Variants in PTPA observed in about 807,000 individuals in gnomAD.
The protein encoded by PTPA is serine/threonine-protein phosphatase 2A activator.
In PTPA, 13 loss-of-function variants were observed where a neutral mutation model predicts 43.6. The observed-to-expected ratio is 0.30, with a 90% CI of 0.19 to 0.47. The LOEUF is 0.47. PTPA is among the 20% of genes least tolerant of loss of function. The pLI is 0.99. For synonymous variants in PTPA, 172 were observed against 158.2 expected, an observed-to-expected ratio of 1.09 and a Z score of -0.66; for missense variants, 329 against 411.9, an observed-to-expected ratio of 0.80 and a Z score of 1.74.
chr9:129,128,914 T>C (rs1438136375), intron 3 of PTPA, 71 bp from the exon 4 acceptor site: 10 of 1,588,376 alleles, frequency 6.3e-6, no homozygotes, highest in Non-Finnish European at 8.6e-6. Context: ...CTGGCAGCAG[T>C]GGACTTCCCT....
At chr9:129,128,080 C>T (rs1335545326) in intron 3 of PTPA, 3 of 1,316,374 alleles carry the variant, frequency 2.3e-6, no homozygotes, top group Admixed American at 2.2e-5. Context: ...TATTTATCAT[C>T]AGCCCCATTT....
chr9:129,137,509 T>TG (rs541049981), intron 7 of PTPA, 83 bp from the exon 8 acceptor site: 205 of 1,120,876 alleles, frequency 1.8e-4, no homozygotes, highest in South Asian at 1.4e-3. Flanking sequence ...CTGAGGCCCC[T>TG]GGGGGGGTGT....
At chr9:129,120,406 AAG>A (rs2131554033) in intron 1 of PTPA, 105 bp from the exon 2 acceptor site, 1 of 824,814 alleles carries the variant, frequency 1.2e-6, no homozygotes, top group Admixed American at 2.8e-5. Flanking sequence ...CCTGGGCAAC[AAG>A]AGCAAAACTC....
intron 8 of PTPA, chr9:129,140,120 C>G (rs529760472): frequency 6.6e-6 from 1 of 151,400 alleles, no homozygotes; most frequent in Non-Finnish European, 1.5e-5. Context: ...GGCCGATTCT[C>G]TGGGGAGTGG....
At chr9:129,143,736 G>C (rs1189633213) in intron 9 of PTPA, 5 of 282,786 alleles carry the variant, frequency 1.8e-5, no homozygotes, top group South Asian at 1.6e-4. Context: ...TAATCTGAGA[G>C]GCCTGAGAGC....
intron 1 of PTPA, among the ~76,000 whole-genome samples, chr9:129,116,544 C>G (rs1299158977): frequency 6.6e-6 from 1 of 152,108 alleles, no homozygotes; most frequent in Non-Finnish European, 1.5e-5. Flanking sequence ...CGCCACCATG[C>G]CCGGCTAATT....
rs143555033 is a variant in PTPA, at chr9:129,145,863, C to T, written c.895-1524C>T. Among the ~76,000 whole-genome samples, 358 of 152,186 alleles carry T rather than the reference C, an allele frequency of 2.4e-3. 3 individuals carry two copies. Among genetic ancestry groups the T allele is most frequent in the Middle Eastern group, 0.01 (3 of 294 alleles). ...GGAAGGTCAGGGGGCAGTCTGAAGCCGCTGCTCCGCCCAGGTACATGGGAG... is the reference window on the plus strand; with the variant it reads ...GGAAGGTCAGGGGGCAGTCTGAAGCTGCTGCTCCGCCCAGGTACATGGGAG... On this transcript the variant is annotated intron_variant, in intron 9 of 9. Transcript: ENST00000393370.
chr9:129,111,263 G>C, upstream of PTPA: 2 of 1,182,196 alleles, frequency 1.7e-6, no homozygotes, highest in Non-Finnish European at 2.1e-6. Flanking sequence ...CAGTCGCGGC[G>C]CCCGACGTTC....
intron 1 of PTPA, among the ~76,000 whole-genome samples, chr9:129,112,187 T>A (rs1241708704): frequency 6.6e-6 from 1 of 152,190 alleles, no homozygotes; most frequent in Non-Finnish European, 1.5e-5. Flanking sequence ...AATCCCTAAT[T>A]TTAAAAGGCT....
At chr9:129,139,157 C>G (rs1390688713) in intron 8 of PTPA, among the ~76,000 whole-genome samples, 1 of 152,220 alleles carries the variant, frequency 6.6e-6, no homozygotes, top group Non-Finnish European at 1.5e-5. Flanking sequence ...GGTATTCTAA[C>G]TAGGAGGCAT....
At chr9:129,129,182 G>T in intron 4 of PTPA, 72 bp downstream of exon 4, 1 of 1,584,932 alleles carries the variant, frequency 6.3e-7, no homozygotes, top group Admixed American at 1.7e-5. Context: ...TTGGGGAAGG[G>T]CCTGCATTGT....
rs1588537795 is a variant in PTPA at position 129,143,158 on chromosome 9, G to C, written c.894+606G>C. On this transcript the variant is annotated intron_variant, in intron 9 of 9. Coordinates refer to ENST00000393370, the MANE Select transcript of PTPA (RefSeq NM_178000.3). ...TGGCAGGCAGCCGAGGGTGTCTCCT[G>C]CCCTCTTGGCACTGTTCTCCCAGCC... 7 of 606,566 alleles carry C rather than the reference G, an allele frequency of 1.2e-5. No individual in the cohort carries two copies. In the East Asian group the frequency reaches 1.9e-4, roughly 17 times the overall value. The allele number at this position is 606,566 out of a possible 1,614,324, so 37.6% of individuals were successfully genotyped here.
intron 9 of PTPA, chr9:129,143,488 C>G (rs1259323523): frequency 1.0e-5 from 7 of 700,876 alleles, no homozygotes; most frequent in Non-Finnish European, 1.3e-5. Flanking sequence ...TCATTGGACC[C>G]AGAGCTTCCT....
chr9:129,137,341 C>A (rs1468120979), intron 7 of PTPA, among the ~76,000 whole-genome samples: 1 of 152,198 alleles, frequency 6.6e-6, no homozygotes, highest in Non-Finnish European at 1.5e-5. Context: ...AGGAGGTGCT[C>A]TTCTTGTCCC....
chr9:129,117,994 G>A (rs966485234), intron 1 of PTPA, among the ~76,000 whole-genome samples: 10 of 150,548 alleles, frequency 6.6e-5, no homozygotes, highest in East Asian at 2.0e-4. Context: ...TCACCATGCC[G>A]GACCTGGGCA....
At chr9:129,145,814 C>A (rs1468188601) in intron 9 of PTPA, among the ~76,000 whole-genome samples, 2 of 152,186 alleles carry the variant, frequency 1.3e-5, no homozygotes, top group East Asian at 3.9e-4. Context: ...GGAGTCCCTT[C>A]CCCAGCTTGA....
chr9:129,126,771 T>C (rs139109332), intron 3 of PTPA, among the ~76,000 whole-genome samples: 11 of 152,188 alleles, frequency 7.2e-5, no homozygotes, highest in Admixed American at 3.9e-4. Flanking sequence ...TCAGCCCTTC[T>C]CTCCCAACAC....
intron 8 of PTPA, chr9:129,140,052 A>C (rs1564199875): frequency 6.6e-6 from 1 of 152,644 alleles, no homozygotes; most frequent in Non-Finnish European, 1.5e-5. Context: ...GGCGCTGTGC[A>C]GAGCCTCCCC....
intron 1 of PTPA, among the ~76,000 whole-genome samples, chr9:129,118,320 G>T (rs546447097): frequency 6.6e-6 from 1 of 152,246 alleles, no homozygotes; most frequent in Admixed American, 6.5e-5. Flanking sequence ...CCAAAGTGCT[G>T]GGATTACAGG....
Sources: allele counts gnomAD v4.1 joint callset (sites outside exome capture counted in the v4.1 genomes callset), GRCh38; gene constraint gnomAD v4.1.1; transcripts MANE v1.5; gene names NCBI Gene and HGNC (gene_info 2026-07-23, HGNC 2026-07-21).